The following MCF2L2 variants were observed in gnomAD, a reference collection of about 807,000 sequenced individuals.
MCF2L2 encodes probable guanine nucleotide exchange factor MCF2L2.
MCF2L2 carries 102 observed loss-of-function variants against 150.2 expected under a neutral mutation model. The observed-to-expected ratio is 0.68, with a 90% CI of 0.58 to 0.80. The LOEUF (loss-of-function observed/expected upper bound fraction) is 0.80. Among genes scored for constraint, MCF2L2 ranks in the 30% least tolerant of loss-of-function variants. The pLI is 0.00. For missense variants in MCF2L2, 1,256 were observed against 1,372.8 expected, an observed-to-expected ratio of 0.91 and a Z score of 1.34; for synonymous variants, 465 against 491.3, an observed-to-expected ratio of 0.95 and a Z score of 0.71.
chr3:183,247,236 T>TGTC (rs1382953811), intron 15 of MCF2L2, among the ~76,000 whole-genome samples: 1 of 152,208 alleles, frequency 6.6e-6, no homozygotes, highest in African/African-American at 2.4e-5. Flanking sequence ...CGAGCATGAA[T>TGTC]GTCAGTCCAT....
chr3:183,349,038 T>C (rs1731010749), intron 3 of MCF2L2, among the ~76,000 whole-genome samples: 1 of 152,192 alleles, frequency 6.6e-6, no homozygotes, highest in Non-Finnish European at 1.5e-5. Flanking sequence ...TTTCAAATGC[T>C]CATGGAATAT....
chr3:183,420,236 A>T (rs570149850), intron 1 of MCF2L2, among the ~76,000 whole-genome samples: 13 of 152,318 alleles, frequency 8.5e-5, no homozygotes, highest in African/African-American at 3.1e-4. Flanking sequence ...CCACATTTTC[A>T]GGTTATCTTT....
At chr3:183,280,804 C>T (rs1365379907) in intron 14 of MCF2L2, among the ~76,000 whole-genome samples, 12 of 148,632 alleles carry the variant, frequency 8.1e-5, no homozygotes, top group African/African-American at 3.0e-4. Context: ...GCTGAGATCA[C>T]GCCACTGCAC....
intron 5 of MCF2L2, among the ~76,000 whole-genome samples, chr3:183,324,653 G>C (rs1020404024): frequency 6.6e-6 from 1 of 151,884 alleles, no homozygotes; most frequent in African/African-American, 2.4e-5. Flanking sequence ...GGACTCCGTG[G>C]GCCCAGGAAT....
intron 23 of MCF2L2, among the ~76,000 whole-genome samples, chr3:183,206,957 GGAAGGAAGGAAGGA>G (rs879703788): frequency 0.1 from 2,337 of 22,870 alleles, 35 homozygotes; most frequent in Middle Eastern, 0.16. Context: ...AAGGAAGGAA[GGAAGGAAGGAAGGA>G]AGGGAGGGAG....
chr3:183,201,495 G>A (rs139621498), intron 25 of MCF2L2, among the ~76,000 whole-genome samples: 4,418 of 152,304 alleles, frequency 0.029, 187 homozygotes, highest in African/African-American at 0.082. Context: ...AGACTTTGCT[G>A]AAGTTGCTTA....
At chr3:183,299,884 T>C (rs963238402) in intron 11 of MCF2L2, 121 bp downstream of exon 11, 3 of 1,097,534 alleles carry the variant, frequency 2.7e-6, no homozygotes, top group Non-Finnish European at 4.0e-6. Context: ...CTCTCGAACA[T>C]CTTTTCACAT....
chr3:183,369,859 G>A (rs572815694), intron 3 of MCF2L2, among the ~76,000 whole-genome samples: 8 of 152,176 alleles, frequency 5.3e-5, no homozygotes, highest in African/African-American at 1.2e-4. Context: ...GTTGAAGGGC[G>A]TGGCAAACAG....
intron 22 of MCF2L2, among the ~76,000 whole-genome samples, chr3:183,215,670 G>A (rs1283395681): frequency 6.6e-6 from 1 of 152,136 alleles, no homozygotes; most frequent in Non-Finnish European, 1.5e-5. Flanking sequence ...AAAATAAATT[G>A]CTCCTCCAGG....
chr3:183,416,737 A>G (rs1315476719), intron 1 of MCF2L2, among the ~76,000 whole-genome samples: 1 of 152,180 alleles, frequency 6.6e-6, no homozygotes, highest in Non-Finnish European at 1.5e-5. Context: ...ACAATACAAC[A>G]ATAAAAAAAT....
chr3:183,279,807 G>C (rs1727371273), intron 14 of MCF2L2, among the ~76,000 whole-genome samples: 1 of 152,192 alleles, frequency 6.6e-6, no homozygotes, highest in African/African-American at 2.4e-5. Flanking sequence ...GAGGCGAGTG[G>C]ATCACGAGGT....
chr3:183,223,594 C>T (rs1329832764), intron 19 of MCF2L2, among the ~76,000 whole-genome samples, 156 bp from the exon 20 acceptor site: 1 of 152,210 alleles, frequency 6.6e-6, no homozygotes, highest in Non-Finnish European at 1.5e-5. Flanking sequence ...TGTTCTTTCC[C>T]CTAGGAACAG....
Position 183,193,037 on chromosome 3 carries a change from C to T in MCF2L2, c.2978G>A (p.Ser993Asn), listed in dbSNP as rs752000365. The change falls in exon 27 of 30, where the codon AGC (serine) becomes AAC (asparagine). Residue 993 changes from serine to asparagine, a missense_variant. By Grantham distance (46) the Ser-to-Asn change is conservative. Coordinates refer to ENST00000328913, the MANE Select transcript of MCF2L2 (RefSeq NM_015078.4). ...TGTGCTGGAGGCCGGGTCTTCCTTGCTAGTGGTAGCTCTTTCCATATTTTT... is the reference window on the plus strand; with the variant it reads ...TGTGCTGGAGGCCGGGTCTTCCTTGTTAGTGGTAGCTCTTTCCATATTTTT... ...WIKNMERATT[S>N]KEDPASSTGG... 15 of 1,614,066 alleles carry T rather than the reference C, an allele frequency of 9.3e-6. No individual in the cohort carries two copies. The African/African-American group carries it at 1.9e-4, about 20-fold the overall frequency.
At chr3:183,314,203 C>T (rs1422513941) in intron 7 of MCF2L2, among the ~76,000 whole-genome samples, 1 of 152,206 alleles carries the variant, frequency 6.6e-6, no homozygotes. Flanking sequence ...ATAGCACTTA[C>T]TGAAGTCGGG....
intron 15 of MCF2L2, among the ~76,000 whole-genome samples, chr3:183,249,278 A>T (rs1247292822): frequency 6.6e-6 from 1 of 152,092 alleles, no homozygotes; most frequent in Non-Finnish European, 1.5e-5. Flanking sequence ...TGGGAAAAGG[A>T]GAAGAAATGC....
At chr3:183,380,310 T>A (rs1231188843) in intron 2 of MCF2L2, among the ~76,000 whole-genome samples, 2 of 152,208 alleles carry the variant, frequency 1.3e-5, no homozygotes, top group African/African-American at 4.8e-5. Flanking sequence ...GTGACTGTTT[T>A]AAATTTTTGA....
chr3:183,314,247 C>T (rs1347560469), intron 7 of MCF2L2, among the ~76,000 whole-genome samples: 1 of 152,114 alleles, frequency 6.6e-6, no homozygotes, highest in East Asian at 1.9e-4. Flanking sequence ...CATTAAGGCC[C>T]AAACTGTAGC....
chr3:183,203,218 A>T (rs573893265), intron 25 of MCF2L2, among the ~76,000 whole-genome samples: 88 of 152,264 alleles, frequency 5.8e-4, no homozygotes, highest in African/African-American at 2.1e-3. Flanking sequence ...GTCTCAAAAA[A>T]GAAAAAAAAA....
At chr3:183,371,490 C>T (rs138480008) in intron 3 of MCF2L2, among the ~76,000 whole-genome samples, 2,043 of 129,000 alleles carry the variant, frequency 0.016, 50 homozygotes, top group African/African-American at 0.058. Context: ...TTTTTTGAGA[C>T]GGAGTCTCAC....
Sources: allele counts gnomAD v4.1 joint callset (sites outside exome capture counted in the v4.1 genomes callset), GRCh38; gene constraint gnomAD v4.1.1; transcripts MANE v1.5; gene names NCBI Gene and HGNC (gene_info 2026-07-23, HGNC 2026-07-21).